Variants in FHAD1 observed in about 807,000 individuals in gnomAD.
FHAD1 encodes the protein forkhead-associated domain-containing protein 1.
Under a neutral mutation model 191.3 loss-of-function variants are expected in FHAD1, and 146 were observed. That is an observed-to-expected ratio of 0.76 (90% CI 0.67 to 0.88). The LOEUF (loss-of-function observed/expected upper bound fraction) is 0.88, where lower values mean the gene tolerates loss of function less well. Ranked by LOEUF, FHAD1 falls within the 40% of genes least tolerant of loss-of-function variation. The pLI is 0.00. For missense variants in FHAD1, 1,635 were observed against 1,785.8 expected (o/e 0.92, Z 1.52); for synonymous variants, 616 against 672.3 (o/e 0.92, Z 1.29).
At chr1:15,386,912 G>T (rs1395118824) in intron 31 of FHAD1, among the ~76,000 whole-genome samples, 1 of 150,516 alleles carries the variant, frequency 6.6e-6, no homozygotes, top group Non-Finnish European at 1.5e-5. Context: ...GCCCAGGCTG[G>T]AGTGCCGTGG....
intron 16 of FHAD1, among the ~76,000 whole-genome samples, chr1:15,342,994 C>G (rs1687359108): frequency 6.6e-6 from 1 of 151,034 alleles, no homozygotes; most frequent in Non-Finnish European, 1.5e-5. Flanking sequence ...TGAGGTCTCT[C>G]TCTATGTTGC....
chr1:15,265,305 C>G (rs1422532811), intron 2 of FHAD1, among the ~76,000 whole-genome samples: 1 of 152,192 alleles, frequency 6.6e-6, no homozygotes, highest in Non-Finnish European at 1.5e-5. Flanking sequence ...GCCCAGTTCA[C>G]AGGAACTTCT....
At position 15,376,083 on chromosome 1, in the gene FHAD1, TTATTTA is replaced by T. The variant is rs1328671113; in HGVS notation, c.3705+355_3705+360del. Among the ~76,000 whole-genome samples, 79 of 132,342 alleles carry T rather than the reference TTATTTA, an allele frequency of 6.0e-4. 1 individual carries two copies. The highest frequency in any genetic ancestry group is 2.3e-3 in the African/African-American group (76 of 32,628). 86.8% of individuals were successfully genotyped at this position (132,342 alleles called of 152,430 possible). The stretch of plus-strand genomic sequence containing the variant: ...TTTATTTATTTATTTATTTATTTTT[TTATTTA>T]TTTTTTTATTTATTTTTTGAGACAG... On this transcript the variant is annotated intron_variant, in intron 28 of 33. Coordinates refer to ENST00000688493, the MANE Select transcript of FHAD1 (RefSeq NM_001391957.1).
chr1:15,354,709 G>T (rs955094873), intron 20 of FHAD1, among the ~76,000 whole-genome samples: 4 of 152,118 alleles, frequency 2.6e-5, no homozygotes, highest in African/African-American at 9.7e-5. Context: ...ATCAACGAAT[G>T]AGTCACAATT....
At chr1:15,245,839 G>T (rs970782992), upstream of FHAD1, among the ~76,000 whole-genome samples, 3 of 152,138 alleles carry the variant, frequency 2.0e-5, no homozygotes, top group African/African-American at 7.2e-5. Flanking sequence ...GAATCTCTGG[G>T]GTCTGTGCCC....
At chr1:15,241,725 G>C (rs1330295872) in intron 1 of FHAD1, among the ~76,000 whole-genome samples, 1 of 152,110 alleles carries the variant, frequency 6.6e-6, no homozygotes, top group Non-Finnish European at 1.5e-5. Flanking sequence ...CAGGATAGGG[G>C]CTACCCCAGG....
intron 1 of FHAD1, among the ~76,000 whole-genome samples, chr1:15,250,340 G>A (rs1206881463): frequency 6.6e-6 from 1 of 152,180 alleles, no homozygotes; most frequent in Non-Finnish European, 1.5e-5. Context: ...GATGTGTATA[G>A]AACTTATTTC....
At chr1:15,360,433 AT>A in intron 21 of FHAD1, 44 bp from the exon 22 acceptor site, 2 of 1,518,698 alleles carry the variant, frequency 1.3e-6, no homozygotes, top group Non-Finnish European at 1.8e-6. Flanking sequence ...TGTTGCCGTC[AT>A]ACACAGCTCC....
At chr1:15,240,562 T>G (rs1435122365) in intron 1 of FHAD1, among the ~76,000 whole-genome samples, 2 of 140,120 alleles carry the variant, frequency 1.4e-5, no homozygotes, top group South Asian at 4.4e-4. Context: ...GCCTGGGAAA[T>G]CAAGGCTGCA....
chr1:15,351,157 C>G (rs932121833), intron 19 of FHAD1, among the ~76,000 whole-genome samples: 1 of 152,134 alleles, frequency 6.6e-6, no homozygotes, highest in Non-Finnish European at 1.5e-5. Flanking sequence ...CCAGCCTGGC[C>G]AACATGGTGA....
intron 33 of FHAD1, among the ~76,000 whole-genome samples, 157 bp from the exon 34 acceptor site, chr1:15,397,140 G>A (rs944614039): frequency 4.6e-5 from 7 of 151,058 alleles, no homozygotes; most frequent in African/African-American, 7.3e-5. Context: ...GCAGTGAGCC[G>A]AGATCACACC....
intron 19 of FHAD1, among the ~76,000 whole-genome samples, 158 bp from the exon 20 acceptor site, chr1:15,352,719 T>A (rs1691311674): frequency 6.6e-6 from 1 of 152,096 alleles, no homozygotes; most frequent in Non-Finnish European, 1.5e-5. Flanking sequence ...GGGCATGCCA[T>A]GGTTCTCACC....
At chr1:15,275,739 G>C (rs1286875661) in intron 3 of FHAD1, among the ~76,000 whole-genome samples, 2 of 151,888 alleles carry the variant, frequency 1.3e-5, no homozygotes, top group Non-Finnish European at 2.9e-5. Context: ...TTGGGGTCCA[G>C]TTTTTCTAAG....
chr1:15,313,209 A>G, intron 8 of FHAD1, 22 bp downstream of exon 8: 2 of 1,550,146 alleles, frequency 1.3e-6, no homozygotes, highest in Non-Finnish European at 1.7e-6. Context: ...TGACTGCGTC[A>G]CCTTGTAGCC....
upstream of FHAD1, among the ~76,000 whole-genome samples, chr1:15,243,544 A>T (rs1469925861): frequency 6.6e-6 from 1 of 152,196 alleles, no homozygotes; most frequent in African/African-American, 2.4e-5. Flanking sequence ...GAGAAACATC[A>T]CACAGTTCTC....
At chr1:15,330,521 TC>T (rs2101874325) in intron 14 of FHAD1, among the ~76,000 whole-genome samples, 1 of 152,282 alleles carries the variant, frequency 6.6e-6, no homozygotes, top group African/African-American at 2.4e-5. Context: ...GCTTATGGTC[TC>T]AGGGGGAAGG....
chr1:15,379,150 T>C (rs1378237722), intron 28 of FHAD1, among the ~76,000 whole-genome samples: 1 of 152,156 alleles, frequency 6.6e-6, no homozygotes, highest in African/African-American at 2.4e-5. Flanking sequence ...GCGTTCAGCA[T>C]ATGGAGGATC....
intron 15 of FHAD1, among the ~76,000 whole-genome samples, chr1:15,340,522 T>C (rs1282159754): frequency 1.3e-5 from 2 of 152,136 alleles, no homozygotes; most frequent in Non-Finnish European, 2.9e-5. Flanking sequence ...CTACGAGGTA[T>C]AAAAGAAAGT....
In FHAD1 at chr1:15,317,854, A is replaced by G. The variant is rs1424420696; in HGVS notation, c.1291A>G (p.Lys431Glu). The G allele has an allele frequency of 6.4e-7, 1 of 1,551,744 alleles. No homozygotes were observed. The highest frequency in any genetic ancestry group is 1.2e-5 in the South Asian group (1 of 84,060). ...CCAAGACATGGAGAAAGAAATGAAG[A>G]AGCTTAGGGCAGAGCTGAGGAAGAG... is the stretch of plus-strand genomic sequence containing the variant. Reference protein sequence around the residue: ...QIQDMEKEMKKLRAELRKSCT... With the variant: ...QIQDMEKEMKELRAELRKSCT... The change falls in exon 10 of 34, where the codon AAG becomes GAG. Residue 431 changes from lysine (K) to glutamate (E), a missense_variant. By Grantham distance (56) the Lys-to-Glu change is moderately conservative (BLOSUM62 1). Transcript: ENST00000688493.
Sources: gnomAD v4.1 joint callset for allele counts (sites outside exome capture counted in the v4.1 genomes callset) on GRCh38, gnomAD v4.1.1 for gene constraint, MANE v1.5 for transcripts, NCBI Gene and HGNC (gene_info 2026-07-23, HGNC 2026-07-21) for gene names.